Variants in PARD3B observed in about 807,000 individuals in gnomAD.
PARD3B encodes the protein par-3 family cell polarity regulator beta.
In PARD3B, 103 loss-of-function variants were observed where a neutral mutation model predicts 130.2. The ratio of observed to expected loss-of-function variants is 0.79; its 90% CI spans 0.67 to 0.93. The LOEUF is 0.93. Ranked by LOEUF, PARD3B falls within the 40% of genes least tolerant of loss-of-function variation. The pLI, the probability that PARD3B is intolerant of heterozygous loss-of-function variation, is 0.00. For synonymous variants in PARD3B, 583 were observed against 553.2 expected, an observed-to-expected ratio of 1.05 and a Z score of -0.76; for missense variants, 1,609 against 1,499.2, an observed-to-expected ratio of 1.07 and a Z score of -1.21.
chr2:204,631,105 C>G (rs954319507), intron 1 of PARD3B, among the ~76,000 whole-genome samples: 2 of 152,166 alleles, frequency 1.3e-5, no homozygotes, highest in East Asian at 3.9e-4. Context: ...AGAAATTTCC[C>G]TCTTAACACT....
At chr2:205,254,413 T>C (rs1199305638) in intron 16 of PARD3B, among the ~76,000 whole-genome samples, 1 of 152,106 alleles carries the variant, frequency 6.6e-6, no homozygotes, top group South Asian at 2.1e-4. Flanking sequence ...TAAAATCTGA[T>C]AAAGTTATAA....
intron 15 of PARD3B, among the ~76,000 whole-genome samples, chr2:205,242,801 T>G (rs2039407254): frequency 6.6e-6 from 1 of 152,200 alleles, no homozygotes. Flanking sequence ...TTTGTACATT[T>G]TTTTTCATTT....
intron 15 of PARD3B, among the ~76,000 whole-genome samples, chr2:205,237,553 A>G (rs933602325): frequency 1.3e-5 from 2 of 152,340 alleles, no homozygotes; most frequent in South Asian, 4.1e-4. Flanking sequence ...GGAAACTCAT[A>G]ACATTTGCAG....
intron 2 of PARD3B, 133 bp from the exon 3 acceptor site, chr2:204,965,019 A>G: frequency 1.4e-6 from 1 of 690,354 alleles, no homozygotes. Context: ...GAGTTGTGGT[A>G]TAGTAACATT....
chr2:204,747,832 G>C (rs2040304512), intron 2 of PARD3B, among the ~76,000 whole-genome samples: 2 of 151,982 alleles, frequency 1.3e-5, no homozygotes, highest in South Asian at 2.1e-4. Flanking sequence ...TAAGATATAG[G>C]ATGTAATCAA....
At chr2:204,948,984 G>C (rs192799751) in intron 2 of PARD3B, among the ~76,000 whole-genome samples, 2 of 152,220 alleles carry the variant, frequency 1.3e-5, no homozygotes, top group East Asian at 3.9e-4. Flanking sequence ...AGTACTTTCT[G>C]AGAAAATGCT....
In PARD3B at chr2:205,352,494, G is replaced by A. The variant is rs140603469; in HGVS notation, c.2631-48519G>A. On this transcript the variant is annotated intron_variant, in intron 18 of 22. Transcript: ENST00000406610. This position sits in a 1 kb window ranked among gnomAD's most constrained non-coding sequence, Gnocchi z 5.2. ...GAAATAATTTCTGTTTAGTTATCTG[G>A]GATTTCATTCGGTTGATTAATACCT... Among the ~76,000 whole-genome samples the A allele has an allele frequency of 4.2e-4, 64 of 152,188 alleles. No individual in the cohort carries two copies. The East Asian group carries it at 0.012, about 29-fold the overall frequency.
At position 205,525,461 on chromosome 2, in the gene PARD3B, C is replaced by T. The variant is rs964523576; in HGVS notation, c.3180+25430C>T. 9.9e-5 allele frequency among the ~76,000 whole-genome samples: 15 copies of T among 152,192 alleles called. No individual in the cohort carries two copies. Among genetic ancestry groups the T allele is most frequent in the African/African-American group, 3.1e-4 (13 of 41,534 alleles). On this transcript the variant is annotated intron_variant, in intron 21 of 22. Transcript: ENST00000406610. This position sits in a 1 kb window ranked among gnomAD's most constrained non-coding sequence, Gnocchi z 4.2. ...TATAATGCTGGGTGTTATGTATGCA[C>T]AGTTACCTATGAACACAAAAAGGTT...
At chr2:205,526,542 G>T (rs1382622265) in intron 21 of PARD3B, among the ~76,000 whole-genome samples, 2 of 152,128 alleles carry the variant, frequency 1.3e-5, no homozygotes, top group Non-Finnish European at 2.9e-5. Flanking sequence ...GCTCAACCTT[G>T]ATCTCCAACT....
At chr2:204,750,954 A>G (rs2040443388) in intron 2 of PARD3B, among the ~76,000 whole-genome samples, 1 of 152,192 alleles carries the variant, frequency 6.6e-6, no homozygotes, top group Non-Finnish European at 1.5e-5. Flanking sequence ...CACTCAGTAC[A>G]TTGACACAGC....
Position 205,239,980 on chromosome 2 carries a change from A to G in PARD3B, c.2141-5798A>G, listed in dbSNP as rs180873065. ...TGTGTTTGTGTGTGTGTGTGTTTCA[A>G]TAGATGGAAGAATTTTTTAACACAT... On this transcript the variant is annotated intron_variant, in intron 15 of 22. Coordinates refer to ENST00000406610, the MANE Select transcript of PARD3B (RefSeq NM_001302769.2). 9.9e-5 allele frequency among the ~76,000 whole-genome samples: 15 copies of G among 152,130 alleles called. No homozygotes were observed. In the East Asian group the frequency reaches 2.3e-3, roughly 24 times the overall value.
At chr2:205,041,880 A>T (rs1482770057) in intron 3 of PARD3B, among the ~76,000 whole-genome samples, 1 of 152,010 alleles carries the variant, frequency 6.6e-6, no homozygotes, top group African/African-American at 2.4e-5. Context: ...CTTGGTTTCA[A>T]TCTCTATAAC....
chr2:205,323,226 A>G (rs1429187535), intron 18 of PARD3B, among the ~76,000 whole-genome samples: 1 of 151,678 alleles, frequency 6.6e-6, no homozygotes, highest in Non-Finnish European at 1.5e-5. Flanking sequence ...CCCTTTTAAC[A>G]TTGTTAAAAT....
intron 2 of PARD3B, among the ~76,000 whole-genome samples, chr2:204,782,491 A>G (rs1365282938): frequency 6.6e-6 from 1 of 150,502 alleles, no homozygotes; most frequent in African/African-American, 2.4e-5. Context: ...TATGTAATAT[A>G]TAGTATATTC....
chr2:205,380,125 T>TATTATATAAAGA (rs1491553080), intron 18 of PARD3B, among the ~76,000 whole-genome samples: 19 of 97,352 alleles, frequency 2.0e-4, no homozygotes, highest in East Asian at 9.5e-4. Flanking sequence ...CATAATATAT[T>TATTATATAAAGA]ATATATATTA....
At chr2:204,940,533 A>T (rs570365372) in intron 2 of PARD3B, among the ~76,000 whole-genome samples, 1 of 150,730 alleles carries the variant, frequency 6.6e-6, no homozygotes, top group African/African-American at 2.4e-5. Context: ...GGTTGATTTC[A>T]CTGTTCATGT....
At chr2:205,487,226 C>T (rs1382394412) in intron 20 of PARD3B, among the ~76,000 whole-genome samples, 1 of 152,118 alleles carries the variant, frequency 6.6e-6, no homozygotes, top group East Asian at 1.9e-4. Flanking sequence ...GGGTCGAGCT[C>T]CTAATCACAA....
At chr2:205,224,419 A>G (rs530157490) in intron 15 of PARD3B, among the ~76,000 whole-genome samples, 2 of 151,082 alleles carry the variant, frequency 1.3e-5, no homozygotes, top group African/African-American at 4.8e-5. Context: ...AAAAGAAAAA[A>G]AAAGTACAAT....
At chr2:205,326,856 T>A (rs1559664430) in intron 18 of PARD3B, among the ~76,000 whole-genome samples, 1 of 152,144 alleles carries the variant, frequency 6.6e-6, no homozygotes, top group Non-Finnish European at 1.5e-5. Context: ...ATACTTATCA[T>A]GTAGCAAGAC....
Sources: gnomAD v4.1 joint callset for allele counts (sites outside exome capture counted in the v4.1 genomes callset) on GRCh38, gnomAD v4.1.1 for gene constraint, Gnocchi (gnomAD v3.1) non-coding constraint, MANE v1.5 for transcripts, NCBI Gene and HGNC (gene_info 2026-07-23, HGNC 2026-07-21) for gene names.